The following COL5A2 variants were observed in gnomAD, a reference collection of about 807,000 sequenced individuals.
The protein encoded by COL5A2 is collagen alpha-2(V) chain.
COL5A2 carries 23 observed loss-of-function variants against 208.2 expected under a neutral mutation model. That is an observed-to-expected ratio of 0.11 (90% CI 0.08 to 0.16). The LOEUF (loss-of-function observed/expected upper bound fraction) is 0.16. COL5A2 is among the 10% of genes least tolerant of loss of function. The pLI is 1.00. For synonymous variants in COL5A2, 625 were observed against 628.5 expected, an observed-to-expected ratio of 0.99 and a Z score of 0.08; for missense variants, 1,590 against 1,956.4, an observed-to-expected ratio of 0.81 and a Z score of 3.53.
At chr2:189,075,856 C>A (rs1686392688) in intron 16 of COL5A2, among the ~76,000 whole-genome samples, 1 of 152,132 alleles carries the variant, frequency 6.6e-6, no homozygotes, top group Non-Finnish European at 1.5e-5. Context: ...AGGTTTCACC[C>A]AGAGCTCCCT....
chr2:189,067,377 T>C (rs987645924), intron 21 of COL5A2, among the ~76,000 whole-genome samples: 1 of 152,150 alleles, frequency 6.6e-6, no homozygotes, highest in African/African-American at 2.4e-5. Context: ...ATTTAATAAA[T>C]CTGTCACCAG....
chr2:189,215,721 A>G (rs879657785), intron 1 of COL5A2, among the ~76,000 whole-genome samples: 1 of 152,132 alleles, frequency 6.6e-6, no homozygotes, highest in Non-Finnish European at 1.5e-5. Flanking sequence ...AAAGACTCTT[A>G]AGATTCAGTT....
At chr2:189,160,992 G>A (rs911044282) in intron 1 of COL5A2, among the ~76,000 whole-genome samples, 5 of 151,376 alleles carry the variant, frequency 3.3e-5, no homozygotes, top group African/African-American at 9.7e-5. Context: ...CACCATACTC[G>A]GCTAATTTTG....
At chr2:189,276,433 C>T in the COL5A2 span, among the ~76,000 whole-genome samples, 2 of 152,076 alleles carry the variant, frequency 1.3e-5, no homozygotes, top group African/African-American at 2.4e-5. Context: ...TAAATTGTGT[C>T]CTGTGAGGTT....
At chr2:189,340,349 AT>A in the COL5A2 span, among the ~76,000 whole-genome samples, 2 of 152,192 alleles carry the variant, frequency 1.3e-5, no homozygotes, top group African/African-American at 4.8e-5. Flanking sequence ...GAAAGATGGG[AT>A]TGGAGGTGGG....
At chr2:189,422,955 G>A in the COL5A2 span, among the ~76,000 whole-genome samples, 5 of 151,378 alleles carry the variant, frequency 3.3e-5, no homozygotes, top group South Asian at 2.1e-4. Flanking sequence ...CCTGGGAGGC[G>A]GAGGTTGTGG....
chr2:189,262,059 C>A, the COL5A2 span, among the ~76,000 whole-genome samples: 1 of 152,064 alleles, frequency 6.6e-6, no homozygotes, highest in East Asian at 1.9e-4. Flanking sequence ...ATGACTTAAT[C>A]TCAGCTTCTA....
the COL5A2 span, among the ~76,000 whole-genome samples, chr2:189,318,274 G>A: frequency 6.6e-6 from 1 of 152,008 alleles, no homozygotes; most frequent in African/African-American, 2.4e-5. Context: ...TATGACAAGG[G>A]GATAAAAAAT....
chr2:189,334,118 T>C, the COL5A2 span, among the ~76,000 whole-genome samples: 21,412 of 151,982 alleles, frequency 0.14, 1,936 homozygotes, highest in South Asian at 0.21. Flanking sequence ...TAGGAATTGT[T>C]TAAATATAAT....
chr2:189,417,140 A>G, the COL5A2 span, among the ~76,000 whole-genome samples: 1 of 152,160 alleles, frequency 6.6e-6, no homozygotes, highest in African/African-American at 2.4e-5. Context: ...ATTTCCTTGA[A>G]AATTTCCAAT....
intron 11 of COL5A2, among the ~76,000 whole-genome samples, 185 bp downstream of exon 11, chr2:189,084,975 C>A (rs548970151): frequency 6.6e-5 from 10 of 152,262 alleles, no homozygotes; most frequent in African/African-American, 2.2e-4. Context: ...CATAATACTA[C>A]GCAAATTAAG....
At chr2:189,067,814 T>A (rs1364060615) in intron 21 of COL5A2, among the ~76,000 whole-genome samples, 6 of 152,214 alleles carry the variant, frequency 3.9e-5, no homozygotes, top group Non-Finnish European at 7.3e-5. Flanking sequence ...AAATTTAACA[T>A]ACTGCAATAA....
chr2:189,414,875 A>G, the COL5A2 span, among the ~76,000 whole-genome samples: 8 of 151,876 alleles, frequency 5.3e-5, no homozygotes, highest in African/African-American at 1.9e-4. Flanking sequence ...TAATTCTTAT[A>G]TTTTGTGGAT....
At chr2:189,250,590 T>G in the COL5A2 span, among the ~76,000 whole-genome samples, 1 of 152,184 alleles carries the variant, frequency 6.6e-6, no homozygotes, top group Non-Finnish European at 1.5e-5. Flanking sequence ...AGACCTCTAC[T>G]GATTTCTCTA....
intron 1 of COL5A2, among the ~76,000 whole-genome samples, chr2:189,216,512 T>C (rs1300330450): frequency 1.3e-5 from 2 of 152,046 alleles, no homozygotes; most frequent in African/African-American, 2.4e-5. Context: ...AAATTAAAAA[T>C]ATTATAATTT....
rs1685385069 is a variant in COL5A2, at chr2:189,033,696, G to A, written c.*374C>T. On this transcript the variant is annotated 3_prime_UTR_variant, in exon 54 of 54. Transcript: ENST00000374866. ...TGGCTCTATATACCCCACTCTTTAA[G>A]CTACCTGCCAGGAAGAAGAATTTCC... The A allele has an allele frequency of 3.5e-6, 1 of 284,190 alleles. No individual in the cohort carries two copies. The highest frequency in any genetic ancestry group is 3.7e-5 in the South Asian group (1 of 26,776). The allele number at this position is 284,190 out of a possible 1,614,324, so 17.6% of individuals were successfully genotyped here. A position where few individuals can be genotyped will look rare whatever the true frequency, so the allele number is the denominator to read the frequency against.
At chr2:189,045,527 T>A (rs1177497139) in intron 46 of COL5A2, among the ~76,000 whole-genome samples, 5 of 152,234 alleles carry the variant, frequency 3.3e-5, no homozygotes, top group Non-Finnish European at 7.3e-5. Flanking sequence ...TTCATTGACA[T>A]TTAACATGAT....
chr2:189,059,585 G>GGTTTTTTTTTTTTTTTTTT (rs1553515032), intron 31 of COL5A2, among the ~76,000 whole-genome samples: 1 of 28,594 alleles, frequency 3.5e-5, no homozygotes, highest in Non-Finnish European at 7.4e-5. Flanking sequence ...TTCTTTTCTG[G>GGTTTTTTTTTTTTTTTTTT]TTTTTTTTTT....
chr2:189,123,599 G>C (rs1296695627), intron 1 of COL5A2, among the ~76,000 whole-genome samples: 2 of 152,136 alleles, frequency 1.3e-5, no homozygotes, highest in Non-Finnish European at 2.9e-5. Context: ...CCCTAGGAAA[G>C]TAACACAGGT....
Sources: gnomAD v4.1 joint callset for allele counts (sites outside exome capture counted in the v4.1 genomes callset) on GRCh38, gnomAD v4.1.1 for gene constraint, MANE v1.5 for transcripts, NCBI Gene and HGNC (gene_info 2026-07-23, HGNC 2026-07-21) for gene names.